The following ERCC4 variants were observed in gnomAD, a reference collection of about 807,000 sequenced individuals.
ERCC4 encodes DNA repair endonuclease XPF.
A neutral mutation model predicts 76.9 loss-of-function variants in ERCC4; 65 were observed. That is an observed-to-expected ratio of 0.84 (90% CI 0.69 to 1.04). The LOEUF is 1.04. Ranked by LOEUF, ERCC4 falls within the 50% of genes least tolerant of loss-of-function variation. ERCC4 has a pLI of 0.00. For synonymous variants in ERCC4, 463 were observed against 410.1 expected, an observed-to-expected ratio of 1.13 and a Z score of -1.56; for missense variants, 1,214 against 1,128.2, an observed-to-expected ratio of 1.08 and a Z score of -1.09.
chr16:13,935,102 G>A (rs1284454746), intron 7 of ERCC4, 44 bp from the exon 8 acceptor site: 7 of 1,422,772 alleles, frequency 4.9e-6, no homozygotes, highest in Non-Finnish European at 7.0e-6. Context: ...AAACTAGGAG[G>A]ACAAGTGAGG....
rs2032159671 is a variant in ERCC4 at position 13,930,862 on chromosome 16, A to C, written c.945A>C (p.Ala315=). The change falls in exon 5 of 11, where the codon GCA becomes GCC. Residue 315 remains alanine, a synonymous_variant. Transcript: ENST00000311895. ...TFLNLLESLR[A]TEKAFGQNSG... is the part of the protein sequence containing the mutation. The stretch of plus-strand genomic sequence containing the variant: ...TTAATCTTCTGGAATCTCTGAGAGC[A>C]ACGGAAAAAGCTTTTGGTCAGAATT... The C allele has an allele frequency of 1.2e-6, 2 of 1,613,480 alleles. No individual in the cohort carries two copies. The highest frequency in any genetic ancestry group is 1.7e-6 in the Non-Finnish European group (2 of 1,179,438).
At chr16:13,934,900 C>A in intron 7 of ERCC4, 3 of 423,340 alleles carry the variant, frequency 7.1e-6, no homozygotes, top group Non-Finnish European at 1.3e-5. Flanking sequence ...CCAATTACAC[C>A]ACAGTTGTAC....
In ERCC4 at chr16:13,944,760, G is replaced by A. The variant is rs369471816; in HGVS notation, c.1942G>A (p.Gly648Ser). Residue 648 changes from glycine to serine, a missense_variant, in exon 10 of 11, where the codon GGC becomes AGC. Coordinates refer to ENST00000311895, the MANE Select transcript of ERCC4 (RefSeq NM_005236.3). ...CATGGTTGTCCCTGAAGAAAGAGAA[G>A]GCAGAGATGAAACAAACTTAGACCT... is the stretch of plus-strand genomic sequence containing the variant. ...ASMVVPEERE[G>S]RDETNLDLVR... The A allele has an allele frequency of 6.8e-5, 109 of 1,613,854 alleles. No homozygotes were observed. Among genetic ancestry groups the A allele is most frequent in the Non-Finnish European group, 9.1e-5 (107 of 1,179,854 alleles).
At chr16:13,947,042 G>A (rs1279354188) in intron 10 of ERCC4, among the ~76,000 whole-genome samples, 2 of 152,188 alleles carry the variant, frequency 1.3e-5, no homozygotes, top group African/African-American at 2.4e-5. Context: ...GATCACAGGC[G>A]TGAGCCACCG....
At chr16:13,929,493 A>G (rs890932749) in intron 4 of ERCC4, among the ~76,000 whole-genome samples, 6 of 152,332 alleles carry the variant, frequency 3.9e-5, no homozygotes, top group African/African-American at 1.4e-4. Context: ...ATTCCGTGCA[A>G]TGGTACTGCT....
At position 13,920,350 on chromosome 16, in the gene ERCC4, T is replaced by C. The variant is rs2141937434; in HGVS notation, c.185T>C (p.Leu62Pro). Reference protein sequence around the residue: ...HCHPACLVLVLNTQPAEEEYF... With the variant: ...HCHPACLVLVPNTQPAEEEYF... Reference sequence around the variant, plus strand: ...CACCCAGCCTGCCTGGTGCTGGTGCTCAACACGCAGCCGGCCGAGGAGGTG... The same window carrying C: ...CACCCAGCCTGCCTGGTGCTGGTGCCCAACACGCAGCCGGCCGAGGAGGTG... The change falls in exon 1 of 11, where the codon CTC becomes CCC. Residue 62 changes from leucine (L) to proline (P), a missense_variant. Transcript: ENST00000311895. 6.3e-7 allele frequency: 1 copy of C among 1,591,686 alleles called. No homozygotes were observed. Among genetic ancestry groups the C allele is most frequent in the Non-Finnish European group, 8.5e-7 (1 of 1,175,980 alleles).
In ERCC4 at chr16:13,920,306, CTT is replaced by C; in HGVS notation, c.143_144del (p.Phe48SerfsTer34). The C allele has an allele frequency of 6.2e-7, 1 of 1,602,884 alleles. No individual in the cohort carries two copies. The highest frequency in any genetic ancestry group is 1.3e-5 in the African/African-American group (1 of 75,030). On this transcript the variant is annotated frameshift_variant, in exon 1 of 11. Transcript: ENST00000311895. LOFTEE classifies it high-confidence loss of function. ...GLGADRLLYH[F>X]LQLHCHPACL... ...TCGGCGCGGACCGGCTCCTCTACCA[CTT>C]TCTCCAGCTGCACTGCCACCCAGCC...
rs121913049 is a variant in ERCC4, at chr16:13,947,991, C to G, written c.2395C>G (p.Arg799Gly). 1 of 1,614,030 alleles carries G rather than the reference C, an allele frequency of 6.2e-7. No individual in the cohort carries two copies. Among genetic ancestry groups the G allele is most frequent in the African/African-American group, 1.3e-5 (1 of 74,932 alleles). Residue 799 changes from arginine to glycine, a missense_variant, in exon 11 of 11, where the codon CGG becomes GGG. Arg to Gly is a moderately radical substitution (Grantham distance 125). Transcript: ENST00000311895. ...TLLTLHFPRL[R>G]ILWCPSPHAT... ...TCTTACACTTCACTTCCCCAGACTA[C>G]GGATTCTCTGGTGCCCCTCTCCTCA... is the stretch of plus-strand genomic sequence containing the variant.
Position 13,947,922 on chromosome 16 carries a change from T to C in ERCC4, c.2326T>C (p.Phe776Leu). The C allele has an allele frequency of 1.2e-6, 2 of 1,614,138 alleles. No homozygotes were observed. The highest frequency in any genetic ancestry group is 1.7e-6 in the Non-Finnish European group (2 of 1,180,026). The change falls in exon 11 of 11, where the codon TTT (phenylalanine) becomes CTT (leucine). Residue 776 changes from phenylalanine (F) to leucine (L), a missense_variant. By Grantham distance (22) the Phe-to-Leu change is conservative. Coordinates refer to ENST00000311895, the MANE Select transcript of ERCC4 (RefSeq NM_005236.3). ...CTCTCTCACTTCCCGAGGTGCCTTG[T>C]TTCAGGAGATCTCCAGCAATGACAT... ...PFSLTSRGALFQEISSNDISS... is the reference protein window; with the variant it reads ...PFSLTSRGALLQEISSNDISS...
Position 13,948,337 on chromosome 16 carries a change from G to C in ERCC4, c.2741G>C (p.Gly914Ala). The C allele has an allele frequency of 6.2e-7, 1 of 1,610,782 alleles. No homozygotes were observed. The change falls in exon 11 of 11, where the codon GGG (glycine) becomes GCG (alanine). Residue 914 changes from glycine to alanine, a missense_variant. By Grantham distance (60) the Gly-to-Ala change is moderately conservative. Transcript: ENST00000311895. ...SFAEVVSKGK[G>A]KK ...GCAGAAGTCGTATCAAAAGGAAAAG[G>C]GAAAAAGTGAACAGTGATGGCTGTT... is the stretch of plus-strand genomic sequence containing the variant.
At position 13,951,390 on chromosome 16, in the gene ERCC4, G is replaced by A. The variant is rs1314642674; in HGVS notation, c.*3043G>A. On this transcript the variant is annotated 3_prime_UTR_variant, in exon 11 of 11. Coordinates refer to ENST00000311895, the MANE Select transcript of ERCC4 (RefSeq NM_005236.3). ...TTTTTGTATAAAAAGGTGAACATAT[G>A]AGATATTGTGAGAAATCATTTTAAG... The A allele has an allele frequency of 1.0e-5, 2 of 199,248 alleles. No individual in the cohort carries two copies. Among genetic ancestry groups the A allele is most frequent in the Non-Finnish European group, 2.1e-5 (2 of 96,556 alleles). The allele number at this position is 199,248 out of a possible 1,614,324, so 12.3% of individuals were successfully genotyped here. A position where few individuals can be genotyped will look rare whatever the true frequency, so the allele number is the denominator to read the frequency against.
In ERCC4 at chr16:13,932,138, T is replaced by C. The variant is rs2032183554; in HGVS notation, c.974-19T>C. On this transcript the variant is annotated intron_variant, in intron 5 of 10. Transcript: ENST00000311895. ...AACCATAAATTGATGGCACTTTTTC[T>C]TTTAACTTTTCGTATTAGGTTGGCT... 1 of 1,610,010 alleles carries C rather than the reference T, an allele frequency of 6.2e-7. No individual in the cohort carries two copies. The highest frequency in any genetic ancestry group is 8.5e-7 in the Non-Finnish European group (1 of 1,176,624).
intron 2 of ERCC4, among the ~76,000 whole-genome samples, chr16:13,925,856 T>C (rs942308041): frequency 6.6e-6 from 1 of 152,220 alleles, no homozygotes; most frequent in African/African-American, 2.4e-5. Context: ...ATGAAAGATC[T>C]GGGTCAGTAG....
intron 9 of ERCC4, among the ~76,000 whole-genome samples, chr16:13,938,820 G>A (rs1490760003): frequency 1.3e-5 from 2 of 152,236 alleles, no homozygotes; most frequent in Non-Finnish European, 2.9e-5. Flanking sequence ...GGTTCTCAGT[G>A]TATGTGCAAA....
At chr16:13,936,219 A>G (rs1308000869) in intron 8 of ERCC4, among the ~76,000 whole-genome samples, 1 of 152,262 alleles carries the variant, frequency 6.6e-6, no homozygotes, top group African/African-American at 2.4e-5. Flanking sequence ...GTTTCAAGAT[A>G]TATCAGATGA....
In ERCC4 at chr16:13,935,678, C is replaced by T. The variant is rs775278986; in HGVS notation, c.1746C>T (p.Asp582=). ...EVEPRYVVLY[D]AELTFVRQLE... ...AGCCAAGATACGTGGTTCTTTATGA[C>T]GCAGAGCTAACCTTTGTTCGGCAGC... Residue 582 remains aspartate (D), a synonymous_variant, in exon 8 of 11, where the codon GAC becomes GAT. Transcript: ENST00000311895. 1.2e-6 allele frequency: 2 copies of T among 1,614,114 alleles called. No individual in the cohort carries two copies. The highest frequency in any genetic ancestry group is 1.7e-5 in the Admixed American group (1 of 60,018).
chr16:13,932,427 A>T, intron 6 of ERCC4, 142 bp downstream of exon 6: 1 of 734,406 alleles, frequency 1.4e-6, no homozygotes, highest in Non-Finnish European at 2.3e-6. Context: ...GTTATATGTA[A>T]CATGTAATGT....
At chr16:13,924,442 C>T (rs543776621) in intron 2 of ERCC4, among the ~76,000 whole-genome samples, 1 of 152,328 alleles carries the variant, frequency 6.6e-6, no homozygotes, top group Non-Finnish European at 1.5e-5. Context: ...TTTTCAGTTA[C>T]ACTTTTGATT....
At position 13,947,004 on chromosome 16, in the gene ERCC4, C is replaced by T. The variant is rs188494948; in HGVS notation, c.2018-610C>T. ...CTCAAACTCCTTTCCTCAGGTGATCCGTCCACCTCGGCCTCCCAAAGTGCT... is the reference window on the plus strand; with the variant it reads ...CTCAAACTCCTTTCCTCAGGTGATCTGTCCACCTCGGCCTCCCAAAGTGCT... On this transcript the variant is annotated intron_variant, in intron 10 of 10. Transcript: ENST00000311895. Among the ~76,000 whole-genome samples the T allele has an allele frequency of 2.3e-4, 35 of 152,292 alleles. 1 individual carries two copies. In the East Asian group the frequency reaches 3.7e-3, roughly 16 times the overall value.
Sources: gnomAD v4.1 joint callset for allele counts (sites outside exome capture counted in the v4.1 genomes callset) on GRCh38, gnomAD v4.1.1 for gene constraint, MANE v1.5 for transcripts, NCBI Gene and HGNC (gene_info 2026-07-23, HGNC 2026-07-21) for gene names.